DHRSX: variants seen among roughly 807,000 people sequenced by gnomAD.
The protein encoded by DHRSX is dehydrogenase/reductase X-linked.
Under a neutral mutation model 34.0 loss-of-function variants are expected in DHRSX, and 31 were observed. The ratio of observed to expected loss-of-function variants is 0.91; its 90% confidence interval spans 0.69 to 1.23. The LOEUF (loss-of-function observed/expected upper bound fraction) is 1.23, where lower values mean the gene tolerates loss of function less well. DHRSX is among the 50% of genes most tolerant of loss of function. DHRSX has a pLI of 0.00. For synonymous variants in DHRSX, 201 were observed against 183.8 expected (o/e 1.09, Z -0.76); for missense variants, 414 against 428.1 (o/e 0.97, Z 0.29).
chrX:2,230,923 T>A (rs2015862326), intron 6 of DHRSX, among the ~76,000 whole-genome samples: 1 of 152,154 alleles, frequency 6.6e-6, no homozygotes, highest in East Asian at 1.9e-4. Context: ...GAACTGCGAC[T>A]AATACAAAAT....
intron 1 of DHRSX, among the ~76,000 whole-genome samples, chrX:2,451,898 C>G (rs1198297321): frequency 6.6e-6 from 1 of 150,404 alleles, no homozygotes; most frequent in Non-Finnish European, 1.5e-5. Flanking sequence ...AAAGACAACA[C>G]TGAAGACGTT....
chrX:2,344,839 T>C (rs1415649704), intron 3 of DHRSX, among the ~76,000 whole-genome samples: 2 of 143,456 alleles, frequency 1.4e-5, no homozygotes. Flanking sequence ...GTTCTGCACA[T>C]GTACCCCAGA....
At chrX:2,476,715 T>C (rs1308556701) in intron 1 of DHRSX, among the ~76,000 whole-genome samples, 7 of 152,176 alleles carry the variant, frequency 4.6e-5, no homozygotes, top group African/African-American at 1.7e-4. Context: ...TGAAAAAGAA[T>C]GGGATTGACC....
At chrX:2,490,054 G>A (rs1172052032) in intron 1 of DHRSX, 1 of 1,613,804 alleles carries the variant, frequency 6.2e-7, no homozygotes, top group South Asian at 1.1e-5. Flanking sequence ...GGCAGTTGGG[G>A]GCGCCCAGGC....
chrX:2,222,723 AG>A (rs1349252392), intron 6 of DHRSX, among the ~76,000 whole-genome samples: 57 of 152,308 alleles, frequency 3.7e-4, no homozygotes, highest in Non-Finnish European at 6.8e-4. Flanking sequence ...GTGAGAGTTC[AG>A]GCACACACCC....
intron 2 of DHRSX, among the ~76,000 whole-genome samples, chrX:2,422,211 G>C (rs2043789197): frequency 6.6e-6 from 1 of 152,336 alleles, no homozygotes; most frequent in East Asian, 1.9e-4. Context: ...ACAAGGGAAA[G>C]AAGGACAGAG....
chrX:2,425,113 A>T, intron 2 of DHRSX, 84 bp downstream of exon 2: 2 of 1,060,612 alleles, frequency 1.9e-6, no homozygotes, highest in Non-Finnish European at 2.9e-6. Flanking sequence ...GCAGTCCAGC[A>T]CGGGTTGACG....
intron 3 of DHRSX, among the ~76,000 whole-genome samples, chrX:2,370,590 G>GAAAAAAAAAAAA (rs59435030): frequency 0.025 from 3,255 of 131,996 alleles, 57 homozygotes; most frequent in South Asian, 0.039. Flanking sequence ...TGGTTTTACT[G>GAAAAAAAAAAAA]AAAAAAAAAA....
intron 2 of DHRSX, among the ~76,000 whole-genome samples, chrX:2,417,249 G>A (rs377023304): frequency 5.9e-5 from 9 of 152,324 alleles, no homozygotes; most frequent in African/African-American, 2.2e-4. Context: ...TCTAAATGAA[G>A]TGGTAACACT....
chrX:2,221,356 G>C, intron 6 of DHRSX, 127 bp from the exon 7 acceptor site: 1 of 986,106 alleles, frequency 1.0e-6, no homozygotes, highest in South Asian at 1.9e-5. Context: ...AGAAATGTAT[G>C]CAAAAAGCGA....
chrX:2,289,512 C>T (rs1486199460), intron 4 of DHRSX, among the ~76,000 whole-genome samples: 1 of 152,128 alleles, frequency 6.6e-6, no homozygotes, highest in African/African-American at 2.4e-5. Flanking sequence ...ATGGACAGTT[C>T]TGTTTTGTGT....
chrX:2,353,756 T>A (rs1337189730), intron 3 of DHRSX, among the ~76,000 whole-genome samples: 1 of 32,420 alleles, frequency 3.1e-5, no homozygotes, highest in Admixed American at 2.8e-4. Context: ...GCTAATTTTG[T>A]TTTTTTTTAG....
intron 3 of DHRSX, among the ~76,000 whole-genome samples, chrX:2,371,445 C>G (rs867228903): frequency 2.4e-5 from 2 of 81,868 alleles, no homozygotes; most frequent in East Asian, 6.2e-4. Flanking sequence ...ACCCTCCTTT[C>G]GTTACTATAG....
chrX:2,282,958 CAGAG>C (rs1056432521), intron 4 of DHRSX, among the ~76,000 whole-genome samples: 45 of 147,562 alleles, frequency 3.0e-4, no homozygotes, highest in African/African-American at 9.1e-4. Flanking sequence ...GAGAGAGAGA[CAGAG>C]AGAAAAAGCA....
intron 3 of DHRSX, among the ~76,000 whole-genome samples, chrX:2,397,762 G>T (rs191686582): frequency 6.6e-6 from 1 of 152,028 alleles, no homozygotes; most frequent in African/African-American, 2.4e-5. Flanking sequence ...CCCAGTCCTC[G>T]TTACGGGCGG....
intron 1 of DHRSX, among the ~76,000 whole-genome samples, chrX:2,463,702 T>C (rs977668457): frequency 1.3e-5 from 2 of 151,992 alleles, no homozygotes; most frequent in East Asian, 1.9e-4. Context: ...TCTGGGATGG[T>C]GACGTGCAGA....
At chrX:2,272,048 A>G (rs1370656376) in intron 4 of DHRSX, among the ~76,000 whole-genome samples, 7 of 152,086 alleles carry the variant, frequency 4.6e-5, no homozygotes, top group Non-Finnish European at 1.0e-4. Flanking sequence ...GAAACAAAAA[A>G]ACATACCTGC....
intron 3 of DHRSX, among the ~76,000 whole-genome samples, chrX:2,319,222 C>A (rs781428066): frequency 8.4e-4 from 115 of 136,424 alleles, no homozygotes; most frequent in African/African-American, 2.8e-3. Flanking sequence ...CTCCTCCCCC[C>A]CTCCCTTCTC....
chrX:2,354,677 G>A (rs2042827875), intron 3 of DHRSX, among the ~76,000 whole-genome samples: 1 of 152,098 alleles, frequency 6.6e-6, no homozygotes, highest in African/African-American at 2.4e-5. Flanking sequence ...GGCCAGGCTG[G>A]TCTCGAACTC....
Sources: allele counts gnomAD v4.1 joint callset (sites outside exome capture counted in the v4.1 genomes callset), GRCh38; gene constraint gnomAD v4.1.1; transcripts MANE v1.5; gene names NCBI Gene and HGNC (gene_info 2026-07-23, HGNC 2026-07-21).